The following EIPR1 variants were observed in gnomAD, a reference collection of about 807,000 sequenced individuals.
EIPR1 encodes EARP and GARP complex-interacting protein 1.
Under a neutral mutation model 48.1 loss-of-function variants are expected in EIPR1, and 25 were observed. The observed-to-expected ratio is 0.52, with a 90% CI of 0.38 to 0.73. The LOEUF is 0.73. Among genes scored for constraint, EIPR1 ranks in the 30% least tolerant of loss-of-function variants. The pLI is 0.00. For missense variants in EIPR1, 415 were observed against 506.2 expected (o/e 0.82, Z 1.73); for synonymous variants, 204 against 201.9 (o/e 1.01, Z -0.09).
chr2:3,331,193 T>C (rs1301135823), intron 3 of EIPR1, among the ~76,000 whole-genome samples: 1 of 98,898 alleles, frequency 1.0e-5, no homozygotes, highest in Non-Finnish European at 1.8e-5. Flanking sequence ...ACTCATATGG[T>C]GTGAGCAGAG....
chr2:3,268,725 A>T (rs1054661006), intron 3 of EIPR1, among the ~76,000 whole-genome samples: 2 of 152,174 alleles, frequency 1.3e-5, no homozygotes, highest in Non-Finnish European at 2.9e-5. Context: ...GGCACCTCAG[A>T]TACCCAAACA....
chr2:3,310,483 C>G (rs1241353657), intron 3 of EIPR1, among the ~76,000 whole-genome samples: 2 of 139,374 alleles, frequency 1.4e-5, no homozygotes, highest in Non-Finnish European at 3.0e-5. Context: ...GAAACCCCGT[C>G]TCTACTAAAA....
chr2:3,253,807 C>T (rs184666246), intron 4 of EIPR1, among the ~76,000 whole-genome samples: 4 of 152,238 alleles, frequency 2.6e-5, no homozygotes, highest in African/African-American at 7.2e-5. Context: ...GAGACAGACA[C>T]AGGAGGGGTG....
chr2:3,320,893 C>T (rs114829421), intron 3 of EIPR1, among the ~76,000 whole-genome samples: 1 of 152,186 alleles, frequency 6.6e-6, no homozygotes, highest in South Asian at 2.1e-4. Flanking sequence ...GAAGATAGGT[C>T]ACCTGACTCT....
intron 3 of EIPR1, among the ~76,000 whole-genome samples, chr2:3,276,866 T>C (rs899798326): frequency 2.6e-5 from 4 of 152,226 alleles, no homozygotes; most frequent in African/African-American, 9.6e-5. Flanking sequence ...TCCATATGAT[T>C]AGGTTAAAAT....
chr2:3,282,142 C>T (rs1440971853), intron 3 of EIPR1, among the ~76,000 whole-genome samples: 1 of 152,238 alleles, frequency 6.6e-6, no homozygotes, highest in Non-Finnish European at 1.5e-5. Flanking sequence ...TATGAAAATT[C>T]TAGGACAAAC....
Position 3,208,904 on chromosome 2 carries a change from G to A in EIPR1, c.516+5245C>T, listed in dbSNP as rs1253488964. On this transcript the variant is annotated intron_variant, in intron 5 of 8. Coordinates refer to ENST00000382125, the MANE Select transcript of EIPR1 (RefSeq NM_003310.5). The stretch of plus-strand genomic sequence containing the variant: ...CCCACAAGGCCTCCAGCCTGGGAAT[G>A]ATGGCACACACAGGGTCCGTGCACG... 4 of 1,547,672 alleles carry A rather than the reference G, an allele frequency of 2.6e-6. No individual in the cohort carries two copies. In the South Asian group the frequency reaches 3.6e-5, roughly 14 times the overall value.
In EIPR1 at chr2:3,189,599, G is replaced by C. The variant is rs546285848; in HGVS notation, c.990-91C>G. The C allele has an allele frequency of 4.7e-6, 6 of 1,269,516 alleles. No homozygotes were observed. The South Asian group carries it at 8.9e-5, about 19-fold the overall frequency. 78.6% of individuals were successfully genotyped at this position (1,269,516 alleles called of 1,614,324 possible). On this transcript the variant is annotated intron_variant, in intron 8 of 8. Coordinates refer to ENST00000382125, the MANE Select transcript of EIPR1 (RefSeq NM_003310.5). This position sits in a 1 kb window ranked among gnomAD's most constrained non-coding sequence, Gnocchi z 4.6. ...GAGGACGCGAGCGCTGACATCGGGA[G>C]ACACGGGAGGTACTGGGGCCTCAGC...
intron 4 of EIPR1, among the ~76,000 whole-genome samples, chr2:3,244,249 G>A (rs1276405882): frequency 6.6e-6 from 1 of 152,190 alleles, no homozygotes; most frequent in Non-Finnish European, 1.5e-5. Context: ...CTGAACAGCA[G>A]TTTGGTCTCC....
rs1323773665 is a variant in EIPR1 at position 3,217,333 on chromosome 2, ACTGGGGTTTAC to A, written c.417-3096_417-3086del. Among the ~76,000 whole-genome samples, 4 of 152,236 alleles carry A rather than the reference ACTGGGGTTTAC, an allele frequency of 2.6e-5. No homozygotes were observed. In the East Asian group the frequency reaches 7.7e-4, roughly 29 times the overall value. ...CTGTTCTTAGTCACCGCCAAGAATC[ACTGGGGTTTAC>A]CCGCAGTAAGCTCTAGCTAAAAAGT... On this transcript the variant is annotated intron_variant, in intron 4 of 8. Coordinates refer to ENST00000382125, the MANE Select transcript of EIPR1 (RefSeq NM_003310.5).
chr2:3,196,050 G>T (rs767443646), intron 6 of EIPR1, among the ~76,000 whole-genome samples: 1 of 152,228 alleles, frequency 6.6e-6, no homozygotes, highest in African/African-American at 2.4e-5. Context: ...TCAGCAGGAC[G>T]TTCATCACGG....
At chr2:3,304,629 C>T in intron 3 of EIPR1, among the ~76,000 whole-genome samples, 1 of 48,174 alleles carries the variant, frequency 2.1e-5, no homozygotes, top group East Asian at 6.7e-4. Flanking sequence ...CAGCCCTCCA[C>T]TCCCGTCCAG....
chr2:3,369,642 C>T (rs1671062184), intron 1 of EIPR1, among the ~76,000 whole-genome samples: 2 of 152,214 alleles, frequency 1.3e-5, no homozygotes, highest in South Asian at 4.1e-4. Flanking sequence ...GCTAGCACAG[C>T]AGTCTGAGAT....
chr2:3,256,747 A>G (rs530386125), intron 4 of EIPR1, among the ~76,000 whole-genome samples: 3 of 152,170 alleles, frequency 2.0e-5, no homozygotes, highest in African/African-American at 4.8e-5. Context: ...TGCCGTGGAG[A>G]GGTCCCTGGG....
intron 4 of EIPR1, among the ~76,000 whole-genome samples, chr2:3,257,060 A>T (rs1168889683): frequency 1.3e-5 from 2 of 152,052 alleles, no homozygotes; most frequent in Non-Finnish European, 2.9e-5. Context: ...CACGGGCAAC[A>T]CTCCTCTTAG....
chr2:3,326,914 TC>T (rs1470305633), intron 3 of EIPR1, among the ~76,000 whole-genome samples: 1 of 152,242 alleles, frequency 6.6e-6, no homozygotes, highest in Non-Finnish European at 1.5e-5. Context: ...GGCTGATCCC[TC>T]AAACGGAGTC....
intron 2 of EIPR1, among the ~76,000 whole-genome samples, chr2:3,350,265 A>C (rs949579859): frequency 6.6e-6 from 1 of 152,132 alleles, no homozygotes; most frequent in African/African-American, 2.4e-5. Context: ...AGAAGGGTGA[A>C]TGGGAAGCAG....
At chr2:3,284,391 T>A in intron 3 of EIPR1, among the ~76,000 whole-genome samples, 1 of 139,102 alleles carries the variant, frequency 7.2e-6, no homozygotes, top group South Asian at 2.5e-4. Context: ...GCGCCACGGC[T>A]GCACGTAAGC....
intron 1 of EIPR1, among the ~76,000 whole-genome samples, chr2:3,358,338 G>A (rs1433552863): frequency 1.3e-5 from 2 of 152,160 alleles, no homozygotes; most frequent in Non-Finnish European, 2.9e-5. Context: ...TTCATGAACT[G>A]TTCTTAGAAA....
Sources: gnomAD v4.1 joint callset for allele counts (sites outside exome capture counted in the v4.1 genomes callset) on GRCh38, gnomAD v4.1.1 for gene constraint, Gnocchi (gnomAD v3.1) non-coding constraint, MANE v1.5 for transcripts, NCBI Gene and HGNC (gene_info 2026-07-23, HGNC 2026-07-21) for gene names.